Variants in MAGI1 observed in about 807,000 individuals in gnomAD.
The protein encoded by MAGI1 is membrane-associated guanylate kinase, WW and PDZ domain-containing protein 1.
MAGI1 carries 58 observed loss-of-function variants against 139.9 expected under a neutral mutation model. The observed-to-expected ratio is 0.41, with a 90% CI of 0.34 to 0.52. The LOEUF is 0.52. Among genes scored for constraint, MAGI1 ranks in the 20% least tolerant of loss-of-function variants. MAGI1 has a pLI of 0.12. For missense variants in MAGI1, 1,874 were observed against 1,901.6 expected, an observed-to-expected ratio of 0.99 and a Z score of 0.27; for synonymous variants, 812 against 737.9, an observed-to-expected ratio of 1.10 and a Z score of -1.63.
At chr3:65,459,661 C>T (rs532453847) in intron 5 of MAGI1, among the ~76,000 whole-genome samples, 2 of 152,180 alleles carry the variant, frequency 1.3e-5, no homozygotes, top group South Asian at 2.1e-4. Flanking sequence ...TGAATAACCA[C>T]GGGAACAGCT....
Position 65,424,464 on chromosome 3 carries a change from A to C in MAGI1, c.2167+5056T>G, listed in dbSNP as rs147374186. Among the ~76,000 whole-genome samples the C allele has an allele frequency of 7.4e-3, 1,126 of 152,292 alleles. 11 individuals are homozygous for C. The highest frequency in any genetic ancestry group is 0.024 in the African/African-American group (1,002 of 41,556). On this transcript the variant is annotated intron_variant, in intron 12 of 22. Coordinates refer to ENST00000402939, the MANE Select transcript of MAGI1 (RefSeq NM_001033057.2). ...GAATTTTAACATTTCATGAATGTAT[A>C]ATCAGACCCTGAAATTATTTAGCGG... is the stretch of plus-strand genomic sequence containing the variant.
At chr3:65,785,286 C>T (rs1461259785) in intron 1 of MAGI1, among the ~76,000 whole-genome samples, 1 of 152,124 alleles carries the variant, frequency 6.6e-6, no homozygotes, top group African/African-American at 2.4e-5. Flanking sequence ...CTACAGAAAA[C>T]CGAGTGTCTA....
intron 1 of MAGI1, among the ~76,000 whole-genome samples, chr3:65,682,094 GA>G (rs1426753923): frequency 6.6e-6 from 1 of 151,866 alleles, no homozygotes; most frequent in East Asian, 1.9e-4. Context: ...GAGGAAAAAA[GA>G]AAAAATTCCC....
intron 2 of MAGI1, among the ~76,000 whole-genome samples, chr3:65,610,393 G>A (rs990776928): frequency 4.6e-5 from 7 of 152,048 alleles, no homozygotes; most frequent in South Asian, 2.1e-4. Context: ...GATAGAATTC[G>A]AACAGAATTT....
At position 65,710,023 on chromosome 3, in the gene MAGI1, A is replaced by G. The variant is rs182536552; in HGVS notation, c.314-87935T>C. 5.1e-4 allele frequency among the ~76,000 whole-genome samples: 78 copies of G among 152,366 alleles called. No individual in the cohort carries two copies. In the East Asian group the frequency reaches 0.01, roughly 20 times the overall value. On this transcript the variant is annotated intron_variant, in intron 1 of 22. Transcript: ENST00000402939. ...GTGAGCAAATAGTGAAATGTGCCAC[A>G]TAAAGCCCAAGCTTTTGACTTCTGA...
chr3:65,420,969 T>C (rs1946598437), intron 12 of MAGI1, among the ~76,000 whole-genome samples: 1 of 152,148 alleles, frequency 6.6e-6, no homozygotes, highest in Admixed American at 6.6e-5. Flanking sequence ...TGCATACAAA[T>C]GTTAAATAAG....
At chr3:65,818,162 C>A (rs879538629) in intron 1 of MAGI1, among the ~76,000 whole-genome samples, 4 of 152,148 alleles carry the variant, frequency 2.6e-5, no homozygotes, top group African/African-American at 4.8e-5. Flanking sequence ...GTTACTCAAA[C>A]ACTGTCCCAG....
At chr3:65,714,327 G>A (rs536386498) in intron 1 of MAGI1, among the ~76,000 whole-genome samples, 20 of 152,044 alleles carry the variant, frequency 1.3e-4, no homozygotes, top group African/African-American at 2.2e-4. Flanking sequence ...GGTTATGTTC[G>A]CAGTGAACAA....
intron 6 of MAGI1, among the ~76,000 whole-genome samples, chr3:65,452,059 T>C (rs1004402992): frequency 2.6e-5 from 4 of 152,170 alleles, no homozygotes; most frequent in Non-Finnish European, 4.4e-5. Flanking sequence ...CTCCCAAGCA[T>C]GCAAAATACC....
chr3:65,527,438 G>A (rs1254972357), intron 2 of MAGI1, among the ~76,000 whole-genome samples: 1 of 152,020 alleles, frequency 6.6e-6, no homozygotes, highest in East Asian at 1.9e-4. Context: ...AACTTAGCCA[G>A]GAGTTGGCCG....
chr3:65,618,626 C>G (rs1389495861), intron 2 of MAGI1, among the ~76,000 whole-genome samples: 1 of 151,998 alleles, frequency 6.6e-6, no homozygotes. Flanking sequence ...CAGGCTATTA[C>G]TAATAACACC....
rs1172798779 is a variant in MAGI1, at chr3:65,379,278, T to TCGGGCCTGCTC, written c.2967_2977dup (p.Glu993GlyfsTer21). 6.2e-7 allele frequency: 1 copy of TCGGGCCTGCTC among 1,612,484 alleles called. No homozygotes were observed. ...GCACTCACCAAAGGTCGTGCCTGCT[T>TCGGGCCTGCTC]CGGGCCTGCTCACCGAGGACACGAT... On this transcript the variant is annotated frameshift_variant, in exon 17 of 23. Transcript: ENST00000402939. LOFTEE classifies it high-confidence loss of function.
At chr3:65,821,105 G>A (rs2041927385) in intron 1 of MAGI1, among the ~76,000 whole-genome samples, 1 of 151,720 alleles carries the variant, frequency 6.6e-6, no homozygotes, top group Non-Finnish European at 1.5e-5. Context: ...CAGGTGCATG[G>A]GTGCTAGTTA....
At chr3:65,551,886 A>G (rs1256008979) in intron 2 of MAGI1, among the ~76,000 whole-genome samples, 1 of 152,198 alleles carries the variant, frequency 6.6e-6, no homozygotes, top group African/African-American at 2.4e-5. Context: ...GCAATTTGAC[A>G]TGAGAGGTTC....
chr3:65,574,142 T>G (rs958795056), intron 2 of MAGI1, among the ~76,000 whole-genome samples: 1 of 151,984 alleles, frequency 6.6e-6, no homozygotes, highest in African/African-American at 2.4e-5. Context: ...TATTTCTTTC[T>G]GCTTGTAACT....
intron 1 of MAGI1, among the ~76,000 whole-genome samples, chr3:66,006,225 C>A (rs1001159301): frequency 2.0e-5 from 3 of 152,182 alleles, no homozygotes; most frequent in African/African-American, 7.2e-5. Context: ...ACTTGTGTGG[C>A]TGGCTGCTAT....
chr3:65,364,873 C>T lies in MAGI1; in HGVS notation c.3270G>A (p.Gln1090=). ...ATITTTHTPS[Q]QGTQETRNTT... ...CTGACCTTGTCTCCTGGGTCCCTTG[C>T]TGAGAAGGGGTGTGTGTGGTGGTGA... Residue 1090 remains glutamine (Q), a synonymous_variant, in exon 19 of 23, where the codon CAG becomes CAA. Transcript: ENST00000402939. The T allele has an allele frequency of 6.2e-7, 1 of 1,614,010 alleles. No individual in the cohort carries two copies.
At chr3:65,719,675 A>G (rs961166828) in intron 1 of MAGI1, among the ~76,000 whole-genome samples, 3 of 151,830 alleles carry the variant, frequency 2.0e-5, no homozygotes, top group Admixed American at 2.0e-4. Flanking sequence ...CCTCCCAAGT[A>G]CCTGGGACCA....
intron 12 of MAGI1, among the ~76,000 whole-genome samples, chr3:65,422,911 C>G (rs998374805): frequency 6.6e-6 from 1 of 152,066 alleles, no homozygotes; most frequent in Non-Finnish European, 1.5e-5. Flanking sequence ...TGATGGGAAG[C>G]TATTCTGACA....
Sources: allele counts gnomAD v4.1 joint callset (sites outside exome capture counted in the v4.1 genomes callset), GRCh38; gene constraint gnomAD v4.1.1; transcripts MANE v1.5; gene names NCBI Gene and HGNC (gene_info 2026-07-23, HGNC 2026-07-21).